Variants in ELAPOR1 observed in about 807,000 individuals in gnomAD.
ELAPOR1 encodes endosome/lysosome-associated apoptosis and autophagy regulator 1.
Under a neutral mutation model 119.7 loss-of-function variants are expected in ELAPOR1, and 77 were observed. The ratio of observed to expected loss-of-function variants is 0.64; its 90% confidence interval spans 0.54 to 0.78. ELAPOR1 has a LOEUF of 0.78. Ranked by LOEUF, ELAPOR1 falls within the 30% of genes least tolerant of loss-of-function variation. The probability of loss-of-function intolerance (pLI) is 0.00; values close to 1 mark genes in which losing one functional copy is unlikely to be tolerated. For missense variants in ELAPOR1, 1,115 were observed against 1,270.4 expected, an observed-to-expected ratio of 0.88 and a Z score of 1.86; for synonymous variants, 481 against 487.2, an observed-to-expected ratio of 0.99 and a Z score of 0.17.
At chr1:109,144,643 G>A (rs1287547238) in intron 1 of ELAPOR1, among the ~76,000 whole-genome samples, 1 of 152,106 alleles carries the variant, frequency 6.6e-6, no homozygotes, top group East Asian at 1.9e-4. Context: ...TCGGGAGGCT[G>A]AGGCAGGAGA....
rs192309884 is a variant in ELAPOR1 at position 109,156,427 on chromosome 1, C to T, written c.154-5467C>T. Among the ~76,000 whole-genome samples the T allele has an allele frequency of 5.6e-4, 85 of 152,346 alleles. 1 individual carries two copies. The highest frequency in any genetic ancestry group is 9.4e-4 in the Non-Finnish European group (64 of 68,032). On this transcript the variant is annotated intron_variant, in intron 1 of 21. Transcript: ENST00000369939. ...GTTGTGCTACCATCGGCACCACCAT[C>T]GTCATTATCCACAGAACTGTCTTAC...
At chr1:109,174,028 T>C (rs1184193309) in intron 7 of ELAPOR1, among the ~76,000 whole-genome samples, 191 bp downstream of exon 7, 1 of 151,192 alleles carries the variant, frequency 6.6e-6, no homozygotes, top group Non-Finnish European at 1.5e-5. Flanking sequence ...TTTTTTTTTT[T>C]TTGAGATAGG....
intron 16 of ELAPOR1, 45 bp downstream of exon 16, chr1:109,197,699 G>GTTTA (rs1557702138): frequency 6.4e-7 from 1 of 1,550,690 alleles, no homozygotes; most frequent in Non-Finnish European, 8.8e-7. Context: ...GTGTGTGTGT[G>GTTTA]TGTGTGTGTG....
chr1:109,202,867 C>T (rs771561962), intron 21 of ELAPOR1, 77 bp from the exon 22 acceptor site: 1 of 1,357,480 alleles, frequency 7.4e-7, no homozygotes, highest in Non-Finnish European at 1.1e-6. Context: ...CTTCTGTCAC[C>T]TATTTTCCAT....
intron 1 of ELAPOR1, among the ~76,000 whole-genome samples, chr1:109,157,035 C>T (rs1430323547): frequency 8.5e-5 from 13 of 152,188 alleles, no homozygotes; most frequent in East Asian, 3.8e-4. Flanking sequence ...AATGCCTTTC[C>T]GCCTTCCCAT....
Position 109,197,382 on chromosome 1 carries a change from T to G in ELAPOR1, c.2122-92T>G, listed in dbSNP as rs116781367. 1.3e-3 allele frequency: 1,407 copies of G among 1,048,534 alleles called. 13 individuals carry two copies. In the African/African-American group the frequency reaches 0.02, roughly 15 times the overall value. The allele number at this position is 1,048,534 out of a possible 1,614,324, so 65.0% of individuals were successfully genotyped here. ...AACATACCATTGAAACGCTGAAAAT[T>G]TAGATGTAAAAAAGCCTTCCCTATT... On this transcript the variant is annotated intron_variant, in intron 15 of 21. Coordinates refer to ENST00000369939, the MANE Select transcript of ELAPOR1 (RefSeq NM_020775.5).
intron 10 of ELAPOR1, 144 bp from the exon 11 acceptor site, chr1:109,189,448 G>T: frequency 1.2e-6 from 1 of 838,498 alleles, no homozygotes; most frequent in Non-Finnish European, 1.9e-6. Flanking sequence ...CAAAGTGGCA[G>T]GATAAGTAAC....
At chr1:109,117,485 G>C (rs780407913) in intron 1 of ELAPOR1, among the ~76,000 whole-genome samples, 2 of 152,150 alleles carry the variant, frequency 1.3e-5, no homozygotes, top group Non-Finnish European at 2.9e-5. Context: ...AAAGCCCATG[G>C]GTTAGGAATC....
At chr1:109,156,658 C>A (rs1461754906) in intron 1 of ELAPOR1, among the ~76,000 whole-genome samples, 4 of 152,110 alleles carry the variant, frequency 2.6e-5, no homozygotes, top group African/African-American at 7.2e-5. Context: ...TGGGGGGCAC[C>A]AAGGCCAGCC....
At chr1:109,183,328 C>CA (rs67807553) in intron 7 of ELAPOR1, among the ~76,000 whole-genome samples, 45 of 29,438 alleles carry the variant, frequency 1.5e-3, no homozygotes, top group African/African-American at 5.4e-3. Context: ...CTGTCTCTAC[C>CA]AAAAAAAAAA....
In ELAPOR1 at chr1:109,192,658, C is replaced by T; in HGVS notation, c.1731C>T (p.Val577=). 1.9e-6 allele frequency: 3 copies of T among 1,614,168 alleles called. No homozygotes were observed. Among genetic ancestry groups the T allele is most frequent in the African/African-American group, 2.7e-5 (2 of 75,044 alleles). The change falls in exon 14 of 22, where the codon GTC becomes GTT. Residue 577 remains valine (V), a synonymous_variant. Coordinates refer to ENST00000369939, the MANE Select transcript of ELAPOR1 (RefSeq NM_020775.5). The part of the protein sequence containing the change: ...NDVAKIYSIN[V]TNVMNGVASY... Reference sequence around the variant, plus strand: ...TTGCCAAGATCTACTCCATCAATGTCACCAATGTTATGAATGGTGTGGCCT... The same window carrying T: ...TTGCCAAGATCTACTCCATCAATGTTACCAATGTTATGAATGGTGTGGCCT...
chr1:109,124,142 T>A (rs1233651778), intron 1 of ELAPOR1, among the ~76,000 whole-genome samples: 2 of 152,234 alleles, frequency 1.3e-5, no homozygotes, highest in Non-Finnish European at 2.9e-5. Flanking sequence ...ATTCCACACA[T>A]GCTCTTTCAT....
chr1:109,174,365 A>G (rs752330467), intron 7 of ELAPOR1, among the ~76,000 whole-genome samples: 26 of 135,778 alleles, frequency 1.9e-4, no homozygotes, highest in Admixed American at 5.6e-4. Context: ...GTGAGCCATG[A>G]TCACACCACT....
At chr1:109,196,066 G>T (rs1157622113) in intron 15 of ELAPOR1, among the ~76,000 whole-genome samples, 19 of 152,140 alleles carry the variant, frequency 1.2e-4, no homozygotes, top group Admixed American at 1.0e-3. Context: ...TGAGGCAGGA[G>T]AATTACTTGA....
intron 7 of ELAPOR1, among the ~76,000 whole-genome samples, chr1:109,178,451 C>T (rs760789162): frequency 7.2e-5 from 11 of 152,178 alleles, no homozygotes; most frequent in Non-Finnish European, 1.6e-4. Context: ...CAGGGAGACT[C>T]TGATGATAGC....
chr1:109,151,599 C>T (rs1161469523), intron 1 of ELAPOR1, among the ~76,000 whole-genome samples: 6 of 152,194 alleles, frequency 3.9e-5, no homozygotes, highest in Non-Finnish European at 8.8e-5. Context: ...CAAATTCTGA[C>T]ATTTCTCCAT....
Position 109,173,574 on chromosome 1 carries a change from T to C in ELAPOR1, c.797T>C (p.Ile266Thr). 6.2e-7 allele frequency: 1 copy of C among 1,614,106 alleles called. No individual in the cohort carries two copies. Among genetic ancestry groups the C allele is most frequent in the Non-Finnish European group, 8.5e-7 (1 of 1,179,948 alleles). Residue 266 changes from isoleucine to threonine, a missense_variant, in exon 6 of 22, where the codon ATA becomes ACA. Transcript: ENST00000369939. ...CCTGTGCTGGTGAGAAACATTGCCATAACAGGTACTGAGAGCAGGGTTACT... is the reference window on the plus strand; with the variant it reads ...CCTGTGCTGGTGAGAAACATTGCCACAACAGGTACTGAGAGCAGGGTTACT... ...PKPVLVRNIAITGVAYTSECF... is the reference protein window; with the variant it reads ...PKPVLVRNIATTGVAYTSECF...
Position 109,189,786 on chromosome 1 carries a change from A to G in ELAPOR1, c.1439+104A>G, listed in dbSNP as rs1056528937. 90 of 818,092 alleles carry G rather than the reference A, an allele frequency of 1.1e-4. 1 individual carries two copies. The highest frequency in any genetic ancestry group is 5.3e-5 in the East Asian group (2 of 37,898). The allele number at this position is 818,092 out of a possible 1,614,324, so 50.7% of individuals were successfully genotyped here. On this transcript the variant is annotated intron_variant, in intron 11 of 21. Coordinates refer to ENST00000369939, the MANE Select transcript of ELAPOR1 (RefSeq NM_020775.5). ...GAGAGGGCTTCCGGGGTTGTGTTTCATTTCATTTCAAATGTCAGTTGAGAA... is the reference window on the plus strand; with the variant it reads ...GAGAGGGCTTCCGGGGTTGTGTTTCGTTTCATTTCAAATGTCAGTTGAGAA...
intron 8 of ELAPOR1, chr1:109,187,597 G>A (rs921488078): frequency 3.0e-5 from 30 of 1,002,096 alleles, no homozygotes; most frequent in Middle Eastern, 2.8e-4. Context: ...TGACTCAGCC[G>A]GGGTCTCCTG....
Sources: gnomAD v4.1 joint callset for allele counts (sites outside exome capture counted in the v4.1 genomes callset) on GRCh38, gnomAD v4.1.1 for gene constraint, MANE v1.5 for transcripts, NCBI Gene and HGNC (gene_info 2026-07-23, HGNC 2026-07-21) for gene names.